The following GABRG3 variants were observed in gnomAD, a reference collection of about 807,000 sequenced individuals.
The protein encoded by GABRG3 is gamma-aminobutyric acid type A receptor subunit gamma3, also known as gamma-aminobutyric acid receptor subunit gamma-3.
A neutral mutation model predicts 48.8 loss-of-function variants in GABRG3; 25 were observed. The ratio of observed to expected loss-of-function variants is 0.51; its 90% CI spans 0.37 to 0.72. GABRG3 has a LOEUF of 0.72. GABRG3 is among the 30% of genes least tolerant of loss of function. GABRG3 has a pLI of 0.00. For synonymous variants in GABRG3, 227 were observed against 217.6 expected (o/e 1.04, Z -0.38); for missense variants, 394 against 577.9 (o/e 0.68, Z 3.26).
At chr15:27,371,522 T>C (rs1254648386) in intron 5 of GABRG3, among the ~76,000 whole-genome samples, 1 of 152,228 alleles carries the variant, frequency 6.6e-6, no homozygotes, top group Non-Finnish European at 1.5e-5. Flanking sequence ...GTATTGAAGG[T>C]GGCCATATCT....
chr15:27,446,864 G>A (rs1280590011), intron 5 of GABRG3, among the ~76,000 whole-genome samples: 1 of 152,060 alleles, frequency 6.6e-6, no homozygotes, highest in Non-Finnish European at 1.5e-5. Context: ...TAGAAATATG[G>A]CATTCTGTGA....
rs1888972308 is a variant in GABRG3, at chr15:27,447,304, G to A, written c.575-33346G>A. On this transcript the variant is annotated intron_variant, in intron 5 of 9. Coordinates refer to ENST00000615808, the MANE Select transcript of GABRG3 (RefSeq NM_033223.5). The surrounding 1 kb of genome is among the most constrained non-coding windows in gnomAD (Gnocchi z 4.0). ...GCAGCACCCCAGGGAAAGGAGTCGA[G>A]CATGGCTGAGACTGGGCATGTAGGC... 6.6e-6 allele frequency among the ~76,000 whole-genome samples: 1 copy of A among 152,186 alleles called. No homozygotes were observed. Among genetic ancestry groups the A allele is most frequent in the Non-Finnish European group, 1.5e-5 (1 of 68,026 alleles).
chr15:27,339,310 C>G (rs537578223), intron 5 of GABRG3, among the ~76,000 whole-genome samples: 2 of 152,340 alleles, frequency 1.3e-5, no homozygotes, highest in East Asian at 3.9e-4. Context: ...ACTCTGGAAG[C>G]AGCTAGAGGG....
In GABRG3 at chr15:27,076,832, G is replaced by A. The variant is rs184155314; in HGVS notation, c.270+50011G>A. Among the ~76,000 whole-genome samples the A allele has an allele frequency of 7.2e-5, 11 of 152,326 alleles. No individual in the cohort carries two copies. In the East Asian group the frequency reaches 2.1e-3, roughly 29 times the overall value. On this transcript the variant is annotated intron_variant, in intron 3 of 9. Coordinates refer to ENST00000615808, the MANE Select transcript of GABRG3 (RefSeq NM_033223.5). ...GCCCCAGAGCTCAGGAGGGAGCATG[G>A]CCCTACCAGCACTTTGATTTAGGAT... is the stretch of plus-strand genomic sequence containing the variant.
At chr15:27,100,217 CAA>C (rs36148252) in intron 3 of GABRG3, among the ~76,000 whole-genome samples, 3,013 of 130,818 alleles carry the variant, frequency 0.023, 81 homozygotes, top group African/African-American at 0.075. Context: ...GACCCTGTCT[CAA>C]AAAAAAAAAA....
intron 6 of GABRG3, among the ~76,000 whole-genome samples, chr15:27,516,574 A>G (rs1209013231): frequency 1.3e-5 from 2 of 152,148 alleles, no homozygotes; most frequent in Non-Finnish European, 2.9e-5. Flanking sequence ...CTAAGCCAAT[A>G]CAATCTTCTA....
intron 3 of GABRG3, among the ~76,000 whole-genome samples, chr15:27,122,064 A>G (rs930382748): frequency 6.6e-6 from 1 of 152,214 alleles, no homozygotes; most frequent in African/African-American, 2.4e-5. Flanking sequence ...GGGTAACTTT[A>G]GTCAAAATAA....
chr15:27,507,242 C>T (rs140557649), intron 6 of GABRG3, among the ~76,000 whole-genome samples: 8 of 152,282 alleles, frequency 5.3e-5, no homozygotes, highest in Admixed American at 1.3e-4. Flanking sequence ...CGATGGCTCA[C>T]ACCTGTAATC....
Position 27,480,794 on chromosome 15 carries a change from A to G in GABRG3, c.712+7A>G. 6.2e-7 allele frequency: 1 copy of G among 1,613,402 alleles called. No homozygotes were observed. On this transcript the variant is annotated splice_region_variant and intron_variant, in intron 6 of 9. Coordinates refer to ENST00000615808, the MANE Select transcript of GABRG3 (RefSeq NM_033223.5). ...ATCGTGACAACGTCTGCAGGTAGGA[A>G]TTTACTGAAAGAGGCACAGCTCTCA...
At chr15:27,025,039 A>AAT (rs1555398966) in intron 2 of GABRG3, among the ~76,000 whole-genome samples, 2 of 151,458 alleles carry the variant, frequency 1.3e-5, no homozygotes, top group Non-Finnish European at 2.9e-5. Flanking sequence ...AAAAAAAAAA[A>AAT]AAAAAGCATC....
chr15:26,984,925 T>C (rs575363587), intron 2 of GABRG3, among the ~76,000 whole-genome samples: 1 of 152,344 alleles, frequency 6.6e-6, no homozygotes, highest in Non-Finnish European at 1.5e-5. Context: ...ACTGATGGGT[T>C]CACTGAATCC....
chr15:27,131,290 G>A (rs1416335534), intron 3 of GABRG3, among the ~76,000 whole-genome samples: 1 of 152,052 alleles, frequency 6.6e-6, no homozygotes, highest in Non-Finnish European at 1.5e-5. Flanking sequence ...CAATTGAGAT[G>A]ATCATGTGCT....
chr15:27,342,586 C>T (rs1288665194), intron 5 of GABRG3, among the ~76,000 whole-genome samples: 1 of 152,216 alleles, frequency 6.6e-6, no homozygotes, highest in Non-Finnish European at 1.5e-5. Flanking sequence ...CAAGGGTTCG[C>T]AGATTCTCAG....
chr15:27,323,385 G>A (rs1893496825), intron 3 of GABRG3, among the ~76,000 whole-genome samples: 1 of 152,140 alleles, frequency 6.6e-6, no homozygotes, highest in Non-Finnish European at 1.5e-5. Context: ...GCATTGGCGG[G>A]CCCTGGATGT....
intron 3 of GABRG3, among the ~76,000 whole-genome samples, chr15:27,072,549 A>T (rs1043626405): frequency 1.3e-5 from 2 of 151,950 alleles, no homozygotes; most frequent in Non-Finnish European, 2.9e-5. Flanking sequence ...TGACAGATAG[A>T]CTCCAGAGGG....
At chr15:27,306,399 T>C (rs1291137304) in intron 3 of GABRG3, among the ~76,000 whole-genome samples, 2 of 139,930 alleles carry the variant, frequency 1.4e-5, no homozygotes, top group Non-Finnish European at 3.0e-5. Flanking sequence ...TGTAAACATA[T>C]ATATAATATA....
chr15:27,398,133 A>T (rs562866383), intron 5 of GABRG3, among the ~76,000 whole-genome samples: 6 of 152,168 alleles, frequency 3.9e-5, no homozygotes, highest in African/African-American at 1.4e-4. Context: ...TATAATCTAT[A>T]CCATTTATAA....
intron 3 of GABRG3, among the ~76,000 whole-genome samples, chr15:27,150,170 C>G (rs1428289913): frequency 6.6e-6 from 1 of 152,032 alleles, no homozygotes; most frequent in Admixed American, 6.6e-5. Context: ...TCTTTCTTTC[C>G]TTTTTATCAC....
At chr15:27,260,769 A>C (rs1030486561) in intron 3 of GABRG3, among the ~76,000 whole-genome samples, 2 of 152,264 alleles carry the variant, frequency 1.3e-5, no homozygotes, top group East Asian at 3.9e-4. Flanking sequence ...TCCAGGAAAC[A>C]GGAAGGCCAA....
Sources: allele counts gnomAD v4.1 joint callset (sites outside exome capture counted in the v4.1 genomes callset), GRCh38; gene constraint gnomAD v4.1.1; non-coding constraint Gnocchi (gnomAD v3.1); transcripts MANE v1.5; gene names NCBI Gene and HGNC (gene_info 2026-07-23, HGNC 2026-07-21).